The following AFAP1 variants were observed in gnomAD, a reference collection of about 807,000 sequenced individuals.
The protein encoded by AFAP1 is actin filament-associated protein 1.
A neutral mutation model predicts 93.9 loss-of-function variants in AFAP1; 75 were observed. The ratio of observed to expected loss-of-function variants is 0.80; its 90% confidence interval spans 0.66 to 0.97. The LOEUF (loss-of-function observed/expected upper bound fraction) is 0.97, where lower values mean the gene tolerates loss of function less well. Ranked by LOEUF, AFAP1 falls within the 50% of genes least tolerant of loss-of-function variation. The pLI is 0.00. For missense variants in AFAP1, 1,201 were observed against 1,050.8 expected (o/e 1.14, Z -1.98); for synonymous variants, 517 against 430.7 (o/e 1.20, Z -2.48).
intron 3 of AFAP1, among the ~76,000 whole-genome samples, chr4:7,859,145 G>A (rs1290975561): frequency 6.6e-6 from 1 of 152,232 alleles, no homozygotes; most frequent in Non-Finnish European, 1.5e-5. Flanking sequence ...CTTGGGTTGG[G>A]CGCGGTGGCT....
At chr4:7,865,672 G>C (rs1171889956) in intron 3 of AFAP1, among the ~76,000 whole-genome samples, 1 of 152,176 alleles carries the variant, frequency 6.6e-6, no homozygotes, top group African/African-American at 2.4e-5. Context: ...TCAATCATTC[G>C]ATGGTTGAAA....
chr4:7,864,450 C>T (rs999515296), intron 3 of AFAP1, among the ~76,000 whole-genome samples: 1 of 152,234 alleles, frequency 6.6e-6, no homozygotes, highest in African/African-American at 2.4e-5. Context: ...ACTTAATGTA[C>T]TTAGTGACTA....
intron 3 of AFAP1, among the ~76,000 whole-genome samples, chr4:7,858,825 G>C (rs1715360186): frequency 1.3e-5 from 2 of 152,202 alleles, no homozygotes; most frequent in African/African-American, 4.8e-5. Context: ...AGCTCTGAGA[G>C]TCCAATTCCA....
At chr4:7,787,971 G>A (rs1204811507) in intron 11 of AFAP1, among the ~76,000 whole-genome samples, 5 of 152,224 alleles carry the variant, frequency 3.3e-5, no homozygotes, top group South Asian at 4.2e-4. Context: ...CCCAGGAGGC[G>A]GCCCGTCCCG....
At position 7,939,373 on chromosome 4, in the gene AFAP1, GC is replaced by G; in HGVS notation, c.-3+282del. 1 of 321,670 alleles carries G rather than the reference GC, an allele frequency of 3.1e-6. No individual in the cohort carries two copies. Among genetic ancestry groups the G allele is most frequent in the East Asian group, 1.5e-4 (1 of 6,768 alleles). The allele number at this position is 321,670 out of a possible 1,614,324, so 19.9% of individuals were successfully genotyped here. On this transcript the variant is annotated intron_variant, in intron 1 of 17. Coordinates refer to ENST00000420658, the MANE Select transcript of AFAP1 (RefSeq NM_001134647.2). This position sits in a 1 kb window ranked among gnomAD's most constrained non-coding sequence, Gnocchi z 5.6. ...CACGGGGACCAGCCACGCCGCGGGG[GC>G]ACCGGGCAGGAGCCAGCGCCCGGGT... is the stretch of plus-strand genomic sequence containing the variant.
At chr4:7,823,488 G>A (rs538527154) in intron 6 of AFAP1, among the ~76,000 whole-genome samples, 3 of 152,110 alleles carry the variant, frequency 2.0e-5, no homozygotes, top group Admixed American at 1.3e-4. Flanking sequence ...TGGCACATAC[G>A]CACTTCCCCA....
At chr4:7,890,542 C>T (rs76843720) in intron 1 of AFAP1, among the ~76,000 whole-genome samples, 4,532 of 152,056 alleles carry the variant, frequency 0.03, 107 homozygotes, top group South Asian at 0.067. Flanking sequence ...TTAAGAAAAT[C>T]AGAAGAAAAT....
intron 1 of AFAP1, among the ~76,000 whole-genome samples, chr4:7,915,167 G>A (rs796742179): frequency 6.6e-5 from 10 of 152,286 alleles, no homozygotes; most frequent in South Asian, 2.1e-4. Flanking sequence ...GTCAGTGTGC[G>A]CCCCCGCGCC....
intron 10 of AFAP1, among the ~76,000 whole-genome samples, chr4:7,799,652 T>C (rs1718836244): frequency 3.3e-5 from 5 of 152,102 alleles, no homozygotes. Context: ...TGTTTGCATC[T>C]TGGTCATAAT....
intron 3 of AFAP1, among the ~76,000 whole-genome samples, chr4:7,865,992 G>A (rs935204687): frequency 6.6e-6 from 1 of 152,228 alleles, no homozygotes; most frequent in Admixed American, 6.5e-5. Context: ...CGCCTCCTGG[G>A]TTCAAGCGAT....
At chr4:7,799,062 G>GT in intron 10 of AFAP1, 4 of 986,020 alleles carry the variant, frequency 4.1e-6, no homozygotes, top group Non-Finnish European at 4.8e-6. Context: ...CTACATAAAT[G>GT]TTTACAAGGT....
At position 7,762,968 on chromosome 4, in the gene AFAP1, TGTACTGTTA is replaced by T. The variant is rs1714023359; in HGVS notation, c.*788_*796del. The T allele has an allele frequency of 6.6e-6, 1 of 151,882 alleles. No homozygotes were observed. The highest frequency in any genetic ancestry group is 6.6e-5 in the Admixed American group (1 of 15,252). 9.4% of individuals were successfully genotyped at this position (151,882 alleles called of 1,614,324 possible). ...GATGCTAGCCCAAGGGGGAGGAGGG[TGTACTGTTA>T]GTGAAGTATTAAAACCCTCTGCTAC... On this transcript the variant is annotated 3_prime_UTR_variant, in exon 18 of 18. Transcript: ENST00000420658.
chr4:7,781,775 A>C, intron 12 of AFAP1, 148 bp from the exon 13 acceptor site: 1 of 1,043,788 alleles, frequency 9.6e-7, no homozygotes, highest in South Asian at 1.6e-5. Flanking sequence ...GTTGTTATCA[A>C]TAAGGCATGC....
At chr4:7,787,216 G>A (rs985342453) in intron 11 of AFAP1, among the ~76,000 whole-genome samples, 1 of 152,252 alleles carries the variant, frequency 6.6e-6, no homozygotes, top group Non-Finnish European at 1.5e-5. Context: ...CTTCTGGACT[G>A]TGTGTATGCG....
intron 9 of AFAP1, among the ~76,000 whole-genome samples, chr4:7,803,242 G>A (rs1235825475): frequency 6.6e-6 from 1 of 152,200 alleles, no homozygotes; most frequent in Non-Finnish European, 1.5e-5. Context: ...AAGATAACAT[G>A]CCCAAAAATG....
rs77938331 is a variant in AFAP1 at position 7,865,549 on chromosome 4, C to G, written c.225+3073G>C. 3.5e-4 allele frequency among the ~76,000 whole-genome samples: 54 copies of G among 152,250 alleles called. 1 individual carries two copies. In the East Asian group the frequency reaches 9.8e-3, roughly 28 times the overall value. Reference sequence around the variant, plus strand: ...GCCATAACCATTTTCCTACCAAAGGCAGGAGCAGATCATAGGCCAGGGAAA... The same window carrying G: ...GCCATAACCATTTTCCTACCAAAGGGAGGAGCAGATCATAGGCCAGGGAAA... On this transcript the variant is annotated intron_variant, in intron 3 of 17. Transcript: ENST00000420658.
chr4:7,924,605 C>T (rs1348300679), intron 1 of AFAP1, among the ~76,000 whole-genome samples: 2 of 152,112 alleles, frequency 1.3e-5, no homozygotes, highest in African/African-American at 4.8e-5. Context: ...CCAGTGTATC[C>T]AATTTGTCAT....
intron 1 of AFAP1, among the ~76,000 whole-genome samples, chr4:7,885,389 C>T (rs572899914): frequency 2.0e-5 from 3 of 152,306 alleles, no homozygotes; most frequent in South Asian, 4.2e-4. Context: ...CACATCACTA[C>T]CACACCTTCC....
intron 17 of AFAP1, among the ~76,000 whole-genome samples, chr4:7,767,970 G>A (rs1299097242): frequency 6.6e-6 from 1 of 152,186 alleles, no homozygotes; most frequent in Non-Finnish European, 1.5e-5. Context: ...CAGCTACTTG[G>A]GAGGCTGAGG....
Sources: gnomAD v4.1 joint callset for allele counts (sites outside exome capture counted in the v4.1 genomes callset) on GRCh38, gnomAD v4.1.1 for gene constraint, Gnocchi (gnomAD v3.1) non-coding constraint, MANE v1.5 for transcripts, NCBI Gene and HGNC (gene_info 2026-07-23, HGNC 2026-07-21) for gene names.